Variants in RP1 observed in about 807,000 individuals in gnomAD.
RP1 encodes RP1 axonemal microtubule associated, also known as oxygen-regulated protein 1.
RP1 carries 16 observed loss-of-function variants against 14.8 expected under a neutral mutation model. That is an observed-to-expected ratio of 1.08 (90% CI 0.73 to 1.65). The LOEUF is 1.65. Among genes scored for constraint, RP1 ranks in the 40% most tolerant of loss-of-function variants. The pLI is 0.00. For synonymous variants in RP1, 876 were observed against 883.6 expected (o/e 0.99, Z 0.15); for missense variants, 2,631 against 2,535.0 (o/e 1.04, Z -0.81).
intron 1 of RP1, among the ~76,000 whole-genome samples, chr8:54,564,297 G>T (rs1804352110): frequency 6.6e-6 from 1 of 152,156 alleles, no homozygotes; most frequent in Admixed American, 6.6e-5. Context: ...TGCAGGTACT[G>T]AGCTCATTTG....
In RP1 at chr8:54,625,165, C is replaced by G. The variant is rs762114930; in HGVS notation, c.1283C>G (p.Ala428Gly). 37 of 1,614,044 alleles carry G rather than the reference C, an allele frequency of 2.3e-5. 2 individuals are homozygous for G. In the South Asian group the frequency reaches 4.1e-4, roughly 18 times the overall value. Residue 428 changes from alanine to glycine, a missense_variant, in exon 4 of 4, where the codon GCT (alanine) becomes GGT (glycine). By Grantham distance (60) the Ala-to-Gly change is moderately conservative. Transcript: ENST00000220676. ...ETCSSASWEN[A>G]TVDTDIIQGT... is the part of the protein sequence containing the mutation. ...TGCAGTTCTGCTAGTTGGGAGAATGCTACTGTGGACACAGATATCATCCAG... is the reference window on the plus strand; with the variant it reads ...TGCAGTTCTGCTAGTTGGGAGAATGGTACTGTGGACACAGATATCATCCAG...
At chr8:54,582,337 G>A (rs1804814800) in intron 1 of RP1, among the ~76,000 whole-genome samples, 1 of 151,936 alleles carries the variant, frequency 6.6e-6, no homozygotes, top group Non-Finnish European at 1.5e-5. Flanking sequence ...ATTTCTGAGG[G>A]CTCTGTTCTG....
At position 54,629,126 on chromosome 8, in the gene RP1, G is replaced by A; in HGVS notation, c.5244G>A (p.Leu1748=). The A allele has an allele frequency of 1.2e-6, 2 of 1,614,118 alleles. No homozygotes were observed. The highest frequency in any genetic ancestry group is 1.7e-6 in the Non-Finnish European group (2 of 1,179,972). Residue 1748 remains leucine (L), a synonymous_variant, in exon 4 of 4, where the codon CTG becomes CTA. Coordinates refer to ENST00000220676, the MANE Select transcript of RP1 (RefSeq NM_006269.2). ...GVLIDKGKWL[L]KENHLLRMSS... Reference sequence around the variant, plus strand: ...TGATTGACAAAGGCAAATGGCTTCTGAAAGAAAATCATTTGCTAAGGATGT... The same window carrying A: ...TGATTGACAAAGGCAAATGGCTTCTAAAAGAAAATCATTTGCTAAGGATGT...
At chr8:54,754,967 C>T in intron 20 of RP1, 1 of 1,452,242 alleles carries the variant, frequency 6.9e-7, no homozygotes, top group Non-Finnish European at 9.0e-7. Context: ...GCATCTATTC[C>T]ATAGACAAAT....
exon 8 of RP1, chr8:54,673,853 G>A: frequency 6.5e-7 from 1 of 1,535,566 alleles, no homozygotes; most frequent in Non-Finnish European, 8.7e-7. Flanking sequence ...GTTATAGACT[G>A]ACACCTTTTT....
intron 1 of RP1, among the ~76,000 whole-genome samples, chr8:54,579,677 A>G (rs1662331932): frequency 6.6e-6 from 1 of 152,204 alleles, no homozygotes; most frequent in Non-Finnish European, 1.5e-5. Context: ...GATGGTCGGC[A>G]ATCTAAATGT....
intron 6 of RP1, among the ~76,000 whole-genome samples, chr8:54,662,252 T>A (rs1806916193): frequency 6.6e-6 from 1 of 152,218 alleles, no homozygotes. Flanking sequence ...TATTTTTGTT[T>A]TAGTATATAG....
chr8:54,769,505 C>T (rs1208237297), intron 22 of RP1, among the ~76,000 whole-genome samples: 3 of 152,048 alleles, frequency 2.0e-5, no homozygotes, highest in Non-Finnish European at 2.9e-5. Flanking sequence ...GCAGGGTTAG[C>T]AACGTATATA....
chr8:54,842,850 G>T (rs547716569), intron 25 of RP1, among the ~76,000 whole-genome samples: 77 of 152,242 alleles, frequency 5.1e-4, no homozygotes, highest in African/African-American at 1.8e-3. Flanking sequence ...CATCCCCAGA[G>T]CCCTCAGGCC....
intron 19 of RP1, among the ~76,000 whole-genome samples, chr8:54,750,752 G>C (rs182039099): frequency 9.9e-4 from 147 of 148,042 alleles, no homozygotes; most frequent in Non-Finnish European, 1.5e-3. Flanking sequence ...CCTAACAAGA[G>C]GATTGTAAAA....
At chr8:54,668,601 C>T (rs1390394190) in intron 7 of RP1, among the ~76,000 whole-genome samples, 3 of 152,160 alleles carry the variant, frequency 2.0e-5, no homozygotes, top group Non-Finnish European at 4.4e-5. Context: ...AAGCTGGAGG[C>T]ATCATGCTAC....
intron 15 of RP1, among the ~76,000 whole-genome samples, chr8:54,713,627 C>G (rs1026896475): frequency 6.6e-6 from 1 of 152,082 alleles, no homozygotes; most frequent in Non-Finnish European, 1.5e-5. Context: ...AAAGGTAATT[C>G]ATATTTATAA....
At chr8:54,559,522 G>A (rs1804237012) in intron 1 of RP1, among the ~76,000 whole-genome samples, 1 of 152,160 alleles carries the variant, frequency 6.6e-6, no homozygotes, top group Non-Finnish European at 1.5e-5. Flanking sequence ...ACTGTGTCTT[G>A]GTTGCTGTGG....
intron 1 of RP1, among the ~76,000 whole-genome samples, chr8:54,589,692 G>A (rs1012100278): frequency 6.6e-6 from 1 of 152,092 alleles, no homozygotes; most frequent in Non-Finnish European, 1.5e-5. Flanking sequence ...GCTAATTGGA[G>A]CTCAAGATGT....
At chr8:54,837,837 C>T (rs1490419825) in intron 25 of RP1, among the ~76,000 whole-genome samples, 2 of 152,238 alleles carry the variant, frequency 1.3e-5, no homozygotes, top group African/African-American at 2.4e-5. Context: ...AGTGTAGTGA[C>T]GTGGCAGATA....
At chr8:54,815,186 G>A (rs1415439613) in intron 24 of RP1, among the ~76,000 whole-genome samples, 2 of 152,172 alleles carry the variant, frequency 1.3e-5, no homozygotes, top group Non-Finnish European at 2.9e-5. Context: ...CTTCTTCAAA[G>A]AGGCATGCAT....
At chr8:54,769,977 A>G in exon 23 of RP1, 1 of 543,706 alleles carries the variant, frequency 1.8e-6, no homozygotes, top group Non-Finnish European at 3.2e-6. Context: ...GCTGTGTCTT[A>G]GAAATGTTGT....
At chr8:54,856,780 C>A (rs936522471) in intron 26 of RP1, among the ~76,000 whole-genome samples, 3 of 152,072 alleles carry the variant, frequency 2.0e-5, no homozygotes, top group Non-Finnish European at 2.9e-5. Flanking sequence ...AAATAAATCT[C>A]CTAATTACGT....
At chr8:54,809,745 CA>C (rs1302517543) in intron 24 of RP1, among the ~76,000 whole-genome samples, 1 of 152,164 alleles carries the variant, frequency 6.6e-6, no homozygotes, top group African/African-American at 2.4e-5. Context: ...TGCCATTTGC[CA>C]TGGTTAGGTT....
Sources: gnomAD v4.1 joint callset for allele counts (sites outside exome capture counted in the v4.1 genomes callset) on GRCh38, gnomAD v4.1.1 for gene constraint, MANE v1.5 for transcripts, NCBI Gene and HGNC (gene_info 2026-07-23, HGNC 2026-07-21) for gene names.